The following JPT1 variants were observed in gnomAD, a reference collection of about 807,000 sequenced individuals.
JPT1 encodes the protein androgen-regulated protein 2.
JPT1 carries 5 observed loss-of-function variants against 17.0 expected under a neutral mutation model. That is an observed-to-expected ratio of 0.29 (90% confidence interval 0.15 to 0.62). The LOEUF (loss-of-function observed/expected upper bound fraction) is 0.62, where lower values mean the gene tolerates loss of function less well. Among genes scored for constraint, JPT1 ranks in the 20% least tolerant of loss-of-function variants. JPT1 has a pLI of 0.85. For missense variants in JPT1, 158 were observed against 188.1 expected, an observed-to-expected ratio of 0.84 and a Z score of 0.94; for synonymous variants, 71 against 73.6, an observed-to-expected ratio of 0.96 and a Z score of 0.18.
intron 4 of JPT1, among the ~76,000 whole-genome samples, chr17:75,137,685 CTTTTTTTTTT>C (rs60118585): frequency 1.8e-3 from 199 of 112,848 alleles, no homozygotes; most frequent in African/African-American, 9.4e-3. Context: ...CCTAGTTTTC[CTTTTTTTTTT>C]TTTTTTTTTT....
intron 1 of JPT1, among the ~76,000 whole-genome samples, chr17:75,149,862 T>TACACACACACACACACACACAC (rs58993126): frequency 2.7e-5 from 4 of 147,492 alleles, no homozygotes; most frequent in African/African-American, 1.0e-4. Flanking sequence ...CTTACACACT[T>TACACACACACACACACACACAC]ACACACACAC....
At chr17:75,146,397 C>T in intron 4 of JPT1, 1 of 324,228 alleles carries the variant, frequency 3.1e-6, no homozygotes, top group Non-Finnish European at 5.6e-6. Flanking sequence ...AAGCAATCTG[C>T]CTGCCTCAGC....
intron 4 of JPT1, among the ~76,000 whole-genome samples, chr17:75,136,836 C>T (rs947866657): frequency 3.9e-5 from 6 of 152,168 alleles, no homozygotes; most frequent in African/African-American, 1.2e-4. Context: ...TCTAGCTCTA[C>T]GGCCCCTTCC....
At chr17:75,149,832 G>A (rs1400766052) in intron 1 of JPT1, among the ~76,000 whole-genome samples, 1 of 148,212 alleles carries the variant, frequency 6.7e-6, no homozygotes, top group East Asian at 2.0e-4. Context: ...GCAACATAGT[G>A]AGATCCCCAT....
intron 4 of JPT1, among the ~76,000 whole-genome samples, chr17:75,143,554 G>A (rs148302299): frequency 6.6e-6 from 1 of 150,978 alleles, no homozygotes; most frequent in African/African-American, 2.4e-5. Context: ...TGTGAAACTT[G>A]GCCAGGCATG....
rs920924338 is a variant in JPT1 at position 75,142,690 on chromosome 17, AGGGAG to A, written c.316+3971_316+3975del. The A allele has an allele frequency of 2.3e-4, 80 of 343,742 alleles. 1 individual carries two copies. In the East Asian group the frequency reaches 8.2e-3, roughly 35 times the overall value. 21.3% of individuals were successfully genotyped at this position (343,742 alleles called of 1,614,324 possible). A position where few individuals can be genotyped will look rare whatever the true frequency, so the allele number is the denominator to read the frequency against. The stretch of plus-strand genomic sequence containing the variant: ...AGGAAGGGAACGGGAAGGGATGAGA[AGGGAG>A]GGGAGGGGAAGGGAGAGGAGGGAAG... On this transcript the variant is annotated intron_variant, in intron 4 of 4. Transcript: ENST00000409753.
intron 1 of JPT1, 84 bp from the exon 2 acceptor site, chr17:75,148,755 T>C: frequency 6.7e-7 from 1 of 1,494,230 alleles, no homozygotes; most frequent in Non-Finnish European, 9.1e-7. Flanking sequence ...TTCATTTCAC[T>C]TTCCTCACCC....
At chr17:75,151,350 A>G (rs933968814) in intron 1 of JPT1, among the ~76,000 whole-genome samples, 11 of 149,500 alleles carry the variant, frequency 7.4e-5, no homozygotes, top group South Asian at 2.1e-4. Context: ...TAATAATGAT[A>G]ATAATAATAA....
intron 4 of JPT1, among the ~76,000 whole-genome samples, chr17:75,137,308 T>A (rs2074216553): frequency 7.1e-6 from 1 of 140,494 alleles, no homozygotes; most frequent in South Asian, 2.4e-4. Context: ...CTTAATAGTA[T>A]ACATATTTTT....
At chr17:75,139,223 C>T (rs752065158) in intron 4 of JPT1, among the ~76,000 whole-genome samples, 14 of 152,180 alleles carry the variant, frequency 9.2e-5, no homozygotes, top group African/African-American at 3.4e-4. Flanking sequence ...TTCATTTCTG[C>T]TGGTGGGACA....
rs2074189140 is a variant in JPT1 at position 75,136,093 on chromosome 17, C to T, written c.*9G>A. The stretch of plus-strand genomic sequence containing the variant: ...ACAGACAGAACGACAGCGTTCAGGA[C>T]AGTCAGAGCTAACCCAAGACGAGGC... On this transcript the variant is annotated 3_prime_UTR_variant, in exon 5 of 5. Coordinates refer to ENST00000409753, the MANE Select transcript of JPT1 (RefSeq NM_016185.4). 3 of 1,614,108 alleles carry T rather than the reference C, an allele frequency of 1.9e-6. No homozygotes were observed. Among genetic ancestry groups the T allele is most frequent in the Admixed American group, 1.7e-5 (1 of 60,010 alleles).
intron 1 of JPT1, among the ~76,000 whole-genome samples, chr17:75,148,927 CTCA>C (rs1341954023): frequency 6.6e-6 from 1 of 152,166 alleles, no homozygotes; most frequent in South Asian, 2.1e-4. Flanking sequence ...CAGCATGGAA[CTCA>C]TCATAAATAA....
chr17:75,141,975 G>T lies in JPT1; in HGVS notation c.316+4691C>A, dbSNP rs578038747. Among the ~76,000 whole-genome samples the T allele has an allele frequency of 4.0e-5, 6 of 149,828 alleles. No individual in the cohort carries two copies. In the East Asian group the frequency reaches 1.2e-3, roughly 30 times the overall value. On this transcript the variant is annotated intron_variant, in intron 4 of 4. Coordinates refer to ENST00000409753, the MANE Select transcript of JPT1 (RefSeq NM_016185.4). ...TCCCAGATACTCAGGAGGCTAAGGC[G>T]GGAGAATCGCTTGAACCTGGGAGGC... is the stretch of plus-strand genomic sequence containing the variant.
chr17:75,148,122 CTT>C, intron 2 of JPT1: 1 of 234,212 alleles, frequency 4.3e-6, no homozygotes, highest in Non-Finnish European at 8.4e-6. Context: ...CCCAGTCTGA[CTT>C]CAGTCCTTAC....
At chr17:75,139,082 CA>C (rs1381842621) in intron 4 of JPT1, among the ~76,000 whole-genome samples, 1 of 152,164 alleles carries the variant, frequency 6.6e-6, no homozygotes, top group African/African-American at 2.4e-5. Flanking sequence ...ATCAGACACA[CA>C]AGTCCTACAA....
intron 1 of JPT1, 42 bp downstream of exon 1, chr17:75,154,300 C>T (rs1312512689): frequency 4.7e-6 from 7 of 1,486,524 alleles, no homozygotes; most frequent in Non-Finnish European, 6.3e-6. Flanking sequence ...CCCTCCCAGC[C>T]CCTCAGCCCC....
At position 75,137,996 on chromosome 17, in the gene JPT1, G is replaced by C. The variant is rs377441108; in HGVS notation, c.317-1746C>G. Among the ~76,000 whole-genome samples, 114 of 149,700 alleles carry C rather than the reference G, an allele frequency of 7.6e-4. 1 individual carries two copies. The South Asian group carries it at 0.024, about 32-fold the overall frequency. On this transcript the variant is annotated intron_variant, in intron 4 of 4. Coordinates refer to ENST00000409753, the MANE Select transcript of JPT1 (RefSeq NM_016185.4). ...GTTGAGATGGAGTTTCACACATGTT[G>C]TCCAGGCTAGAGTGCAACAGTGCAA... is the stretch of plus-strand genomic sequence containing the variant.
rs1382153109 is a variant in JPT1 at position 75,146,433 on chromosome 17, G to A, written c.316+233C>T. On this transcript the variant is annotated intron_variant, in intron 4 of 4. Coordinates refer to ENST00000409753, the MANE Select transcript of JPT1 (RefSeq NM_016185.4). ...CTCCCAAAGTGTTGAGATTACAGGC[G>A]TGAGCCACCATGCCCAGCCAATATA... 14 of 433,274 alleles carry A rather than the reference G, an allele frequency of 3.2e-5. No individual in the cohort carries two copies. In the East Asian group the frequency reaches 4.5e-4, roughly 14 times the overall value. 26.8% of individuals were successfully genotyped at this position (433,274 alleles called of 1,614,324 possible).
At chr17:75,144,905 T>A (rs2074394389) in intron 4 of JPT1, among the ~76,000 whole-genome samples, 1 of 151,916 alleles carries the variant, frequency 6.6e-6, no homozygotes, top group Admixed American at 6.6e-5. Flanking sequence ...GTTTGAGTGT[T>A]TTCCCCCTAA....
Sources: gnomAD v4.1 joint callset for allele counts (sites outside exome capture counted in the v4.1 genomes callset) on GRCh38, gnomAD v4.1.1 for gene constraint, MANE v1.5 for transcripts, NCBI Gene and HGNC (gene_info 2026-07-23, HGNC 2026-07-21) for gene names.